The following MYO1H variants were observed in gnomAD, a reference collection of about 807,000 sequenced individuals.
MYO1H encodes myosin IH.
In MYO1H, 118 loss-of-function variants were observed where a neutral mutation model predicts 149.3. The ratio of observed to expected loss-of-function variants is 0.79; its 90% CI spans 0.68 to 0.92. MYO1H has a LOEUF of 0.92. MYO1H is among the 40% of genes least tolerant of loss of function. The pLI, the probability that MYO1H is intolerant of heterozygous loss-of-function variation, is 0.00. For synonymous variants in MYO1H, 447 were observed against 465.2 expected, an observed-to-expected ratio of 0.96 and a Z score of 0.50; for missense variants, 1,212 against 1,280.7, an observed-to-expected ratio of 0.95 and a Z score of 0.82.
chr12:109,409,222 CTTTT>C (rs72057220), intron 10 of MYO1H, among the ~76,000 whole-genome samples: 3 of 112,660 alleles, frequency 2.7e-5, no homozygotes, highest in South Asian at 6.1e-4. Flanking sequence ...TCTCCTTCTT[CTTTT>C]TCTTCTTCTT....
Position 109,444,299 on chromosome 12 carries a change from C to T in MYO1H, c.2895+16C>T. ...CAAGCAAAAGGTAATTGACAGCCACCAGTCTCTACTAAAAGACAGAAACAA... is the reference window on the plus strand; with the variant it reads ...CAAGCAAAAGGTAATTGACAGCCACTAGTCTCTACTAAAAGACAGAAACAA... On this transcript the variant is annotated intron_variant, in intron 29 of 31. Coordinates refer to ENST00000310903, the Ensembl canonical transcript of MYO1H. The T allele has an allele frequency of 1.2e-6, 2 of 1,610,394 alleles. No homozygotes were observed. The highest frequency in any genetic ancestry group is 1.1e-5 in the South Asian group (1 of 91,004).
At chr12:109,312,826 A>C in the MYO1H span, among the ~76,000 whole-genome samples, 1 of 148,180 alleles carries the variant, frequency 6.7e-6, no homozygotes, top group African/African-American at 2.5e-5. Context: ...TTAAATTAGA[A>C]CCCTCCAGGG....
chr12:109,332,919 G>A, the MYO1H span, among the ~76,000 whole-genome samples: 1 of 152,122 alleles, frequency 6.6e-6, no homozygotes, highest in East Asian at 1.9e-4. Context: ...CTACACAAAT[G>A]TTCCCCAAAG....
chr12:109,336,747 G>A, the MYO1H span, among the ~76,000 whole-genome samples: 1 of 152,174 alleles, frequency 6.6e-6, no homozygotes, highest in African/African-American at 2.4e-5. Flanking sequence ...AACTCTGATT[G>A]GCCAGGCCTG....
chr12:109,390,188 C>T (rs181726826), intron 2 of MYO1H, among the ~76,000 whole-genome samples: 1 of 150,814 alleles, frequency 6.6e-6, no homozygotes, highest in East Asian at 1.9e-4. Flanking sequence ...GATTGGAGAA[C>T]GATTTTAGCG....
intron 1 of MYO1H, among the ~76,000 whole-genome samples, chr12:109,373,223 T>C (rs1227665593): frequency 3.9e-5 from 6 of 152,172 alleles, no homozygotes; most frequent in African/African-American, 1.4e-4. Flanking sequence ...TCTAATTGCA[T>C]TGGCCAGTAC....
At chr12:109,341,641 C>T in the MYO1H span, among the ~76,000 whole-genome samples, 1 of 152,082 alleles carries the variant, frequency 6.6e-6, no homozygotes, top group African/African-American at 2.4e-5. Flanking sequence ...AGCAGGTGGG[C>T]TAGCCAGAAG....
chr12:109,322,580 G>A, the MYO1H span, among the ~76,000 whole-genome samples: 53 of 152,056 alleles, frequency 3.5e-4, no homozygotes, highest in Non-Finnish European at 5.4e-4. Flanking sequence ...CAGTACTTTG[G>A]GAGGCTGAGG....
the MYO1H span, among the ~76,000 whole-genome samples, chr12:109,328,139 C>T: frequency 7.7e-5 from 11 of 143,142 alleles, no homozygotes; most frequent in African/African-American, 3.1e-4. Context: ...CACACACACA[C>T]GCATATATAT....
At chr12:109,393,381 A>T in exon 3 of MYO1H, 1 of 1,584,840 alleles carries the variant, frequency 6.3e-7, no homozygotes, top group Admixed American at 1.8e-5. Context: ...AGGAGCTCGG[A>T]ATCTACACTG....
Position 109,371,208 on chromosome 12 carries a change from T to C in MYO1H, c.13-17475T>C, listed in dbSNP as rs927549949. On this transcript the variant is annotated intron_variant, in intron 1 of 31. Transcript: ENST00000310903. ...ACACGTACATTGGTTTTCTTTTTTT[T>C]CTTTCTTTTTTTTTTTTTTTTTTTT... Among the ~76,000 whole-genome samples, 43 of 140,742 alleles carry C rather than the reference T, an allele frequency of 3.1e-4. 1 individual carries two copies. The highest frequency in any genetic ancestry group is 1.1e-4 in the Non-Finnish European group (7 of 64,602). The allele number at this position is 140,742 out of a possible 152,430, so 92.3% of individuals were successfully genotyped here.
At position 109,443,057 on chromosome 12, in the gene MYO1H, TAC is replaced by T. The variant is rs1566044758; in HGVS notation, c.2689-456_2689-455del. Among the ~76,000 whole-genome samples the T allele has an allele frequency of 7.1e-5, 7 of 99,210 alleles. 1 individual carries two copies. Among genetic ancestry groups the T allele is most frequent in the Admixed American group, 9.7e-5 (1 of 10,290 alleles). The allele number at this position is 99,210 out of a possible 152,430, so 65.1% of individuals were successfully genotyped here. On this transcript the variant is annotated intron_variant, in intron 27 of 31. Transcript: ENST00000310903. ...GTGTGTGTGTGTGTGTATATATGTG[TAC>T]GTATGTGTGTATATATGTGTACGTA...
the MYO1H span, among the ~76,000 whole-genome samples, chr12:109,310,484 G>A: frequency 6.6e-6 from 1 of 152,232 alleles, no homozygotes; most frequent in East Asian, 1.9e-4. Flanking sequence ...CGTACTGCAC[G>A]TGGACCTCTG....
chr12:109,373,962 G>A (rs1869040614), intron 1 of MYO1H, among the ~76,000 whole-genome samples: 1 of 152,076 alleles, frequency 6.6e-6, no homozygotes, highest in South Asian at 2.1e-4. Flanking sequence ...ACTCCAGCCT[G>A]GGCGACAGAG....
At chr12:109,371,302 A>G (rs189847944) in intron 1 of MYO1H, among the ~76,000 whole-genome samples, 2 of 138,162 alleles carry the variant, frequency 1.4e-5, no homozygotes, top group Admixed American at 1.7e-4. Context: ...TGCAGCCTCT[A>G]CCTCCCCGGG....
At position 109,444,141 on chromosome 12, in the gene MYO1H, CG is replaced by C. The variant is rs1872372864; in HGVS notation, c.2825-71del. ...AGTGTGGTGTTGGGCAGCCCCTGGG[CG>C]TATCTCTTCTTCCTCTGTACTAATG... On this transcript the variant is annotated intron_variant, in intron 28 of 31. Transcript: ENST00000310903. 2.6e-6 allele frequency: 3 copies of C among 1,145,394 alleles called. No individual in the cohort carries two copies. The Admixed American group carries it at 5.1e-5, about 19-fold the overall frequency. 71.0% of individuals were successfully genotyped at this position (1,145,394 alleles called of 1,614,324 possible). A position where few individuals can be genotyped will look rare whatever the true frequency, so the allele number is the denominator to read the frequency against.
intron 7 of MYO1H, 80 bp from the exon 8 acceptor site, chr12:109,405,842 A>C (rs1870355659): frequency 1.0e-6 from 1 of 980,412 alleles, no homozygotes; most frequent in Admixed American, 2.0e-5. Context: ...GTCTCCACTA[A>C]TGACATGTAT....
chr12:109,437,235 G>GAGTTAGA (rs1403097276), intron 22 of MYO1H, among the ~76,000 whole-genome samples: 1 of 152,100 alleles, frequency 6.6e-6, no homozygotes, highest in Non-Finnish European at 1.5e-5. Context: ...CATTTCTTGA[G>GAGTTAGA]AGTAACCACT....
intron 29 of MYO1H, 40 bp from the exon 30 acceptor site, chr12:109,444,392 G>A: frequency 1.3e-6 from 2 of 1,587,892 alleles, no homozygotes; most frequent in Non-Finnish European, 1.7e-6. Flanking sequence ...TCTTTAAGCT[G>A]TGAATACTGA....
Sources: allele counts gnomAD v4.1 joint callset (sites outside exome capture counted in the v4.1 genomes callset), GRCh38; gene constraint gnomAD v4.1.1; transcripts MANE v1.5; gene names NCBI Gene and HGNC (gene_info 2026-07-23, HGNC 2026-07-21).